The following LDLRAD4 variants were observed in gnomAD, a reference collection of about 807,000 sequenced individuals.
LDLRAD4 encodes low density lipoprotein receptor class A domain containing 4.
Under a neutral mutation model 17.0 loss-of-function variants are expected in LDLRAD4, and 5 were observed. The observed-to-expected ratio is 0.29, with a 90% confidence interval of 0.15 to 0.62. The LOEUF (loss-of-function observed/expected upper bound fraction) is 0.62. LDLRAD4 is among the 20% of genes least tolerant of loss of function. LDLRAD4 has a pLI of 0.84. For synonymous variants in LDLRAD4, 168 were observed against 171.8 expected (o/e 0.98, Z 0.17); for missense variants, 340 against 424.7 (o/e 0.80, Z 1.75).
At position 13,642,677 on chromosome 18, in the gene LDLRAD4, C is replaced by CT. The variant is rs1417238957; in HGVS notation, c.337-680dup. The CT allele has an allele frequency of 8.9e-6, 11 of 1,231,516 alleles. No homozygotes were observed. The East Asian group carries it at 3.2e-4, about 35-fold the overall frequency. 76.3% of individuals were successfully genotyped at this position (1,231,516 alleles called of 1,614,324 possible). A position where few individuals can be genotyped will look rare whatever the true frequency, so the allele number is the denominator to read the frequency against. On this transcript the variant is annotated intron_variant, in intron 4 of 5. Transcript: ENST00000359446. The stretch of plus-strand genomic sequence containing the variant: ...GGGCCCCGGGCCACCTCTGCCAGGG[C>CT]TTCCTCAACCCAGCCTGCCCTCATC...
intron 1 of LDLRAD4, among the ~76,000 whole-genome samples, chr18:13,375,945 T>C (rs992064788): frequency 6.6e-6 from 1 of 152,214 alleles, no homozygotes; most frequent in African/African-American, 2.4e-5. Context: ...GTTTTGGTGA[T>C]TGCCTGGGGT....
At chr18:13,293,538 C>G (rs2046090439) in intron 1 of LDLRAD4, among the ~76,000 whole-genome samples, 1 of 152,182 alleles carries the variant, frequency 6.6e-6, no homozygotes, top group Admixed American at 6.5e-5. Flanking sequence ...TCTAGTTGGG[C>G]AAAAATATCG....
intron 3 of LDLRAD4, among the ~76,000 whole-genome samples, chr18:13,530,328 G>A (rs1249538462): frequency 6.6e-6 from 1 of 152,178 alleles, no homozygotes; most frequent in Non-Finnish European, 1.5e-5. Context: ...TCTAAAAGAT[G>A]GCCTCCTCCT....
intron 3 of LDLRAD4, among the ~76,000 whole-genome samples, chr18:13,492,445 C>T (rs1187712665): frequency 3.3e-5 from 5 of 152,222 alleles, no homozygotes; most frequent in South Asian, 2.1e-4. Context: ...CCTTCCCCCC[C>T]GGGTCTGAAT....
At chr18:13,625,759 T>C (rs1032615921) in intron 4 of LDLRAD4, among the ~76,000 whole-genome samples, 1 of 15,108 alleles carries the variant, frequency 6.6e-5, no homozygotes, top group African/African-American at 2.7e-4. Flanking sequence ...CTCCTCCCCC[T>C]GCCACCACCC....
rs998731808 is a variant in LDLRAD4 at position 13,398,341 on chromosome 18, G to A, written c.40+10579G>A. Among the ~76,000 whole-genome samples the A allele has an allele frequency of 6.6e-6, 1 of 152,152 alleles. No homozygotes were observed. The highest frequency in any genetic ancestry group is 2.4e-5 in the African/African-American group (1 of 41,442). ...TGCTTAGGCGTGAAAGCAGCACAGC[G>A]TCACGGTGGTGATGCTTGCGTAGCA... On this transcript the variant is annotated intron_variant, in intron 2 of 5. Transcript: ENST00000359446. This position sits in a 1 kb window ranked among gnomAD's most constrained non-coding sequence, Gnocchi z 4.8.
intron 1 of LDLRAD4, among the ~76,000 whole-genome samples, chr18:13,310,734 G>A (rs2047188950): frequency 6.6e-6 from 1 of 152,212 alleles, no homozygotes; most frequent in Non-Finnish European, 1.5e-5. Context: ...TTGAGCATCA[G>A]TTTGGTTGTG....
At position 13,440,821 on chromosome 18, in the gene LDLRAD4, T is replaced by C. The variant is rs1423714232; in HGVS notation, c.181+2437T>C. 6.6e-6 allele frequency among the ~76,000 whole-genome samples: 1 copy of C among 152,220 alleles called. No individual in the cohort carries two copies. The highest frequency in any genetic ancestry group is 1.5e-5 in the Non-Finnish European group (1 of 68,026). On this transcript the variant is annotated intron_variant, in intron 3 of 5. Transcript: ENST00000359446. The surrounding 1 kb of genome is among the most constrained non-coding windows in gnomAD (Gnocchi z 4.4). Reference sequence around the variant, plus strand: ...CTGCTGTGACTTTGTATGGTTTATCTGTAATGTCAGAGCCATTGTGTACAC... The same window carrying C: ...CTGCTGTGACTTTGTATGGTTTATCCGTAATGTCAGAGCCATTGTGTACAC...
At chr18:13,435,068 G>A (rs2090566710) in intron 2 of LDLRAD4, among the ~76,000 whole-genome samples, 1 of 152,218 alleles carries the variant, frequency 6.6e-6, no homozygotes, top group Non-Finnish European at 1.5e-5. Context: ...AGGGTTATCA[G>A]TTTGTTTGAA....
chr18:13,272,918 T>C lies in LDLRAD4; in HGVS notation c.-466-5187T>C, dbSNP rs1232471519. On this transcript the variant is annotated intron_variant, in intron 1 of 5. Transcript: ENST00000399848. ...AGACGCACCTATGGTCAGTCTGTCT[T>C]GGCTTCAATTTACTCAGAATAATGT... Among the ~76,000 whole-genome samples the C allele has an allele frequency of 2.0e-5, 3 of 152,256 alleles. No individual in the cohort carries two copies. In the East Asian group the frequency reaches 5.8e-4, roughly 29 times the overall value.
chr18:13,341,103 A>G (rs1466306575), intron 1 of LDLRAD4, among the ~76,000 whole-genome samples: 2 of 152,004 alleles, frequency 1.3e-5, no homozygotes, highest in East Asian at 1.9e-4. Flanking sequence ...TTATGCCAGT[A>G]TCACACTGTC....
intron 1 of LDLRAD4, among the ~76,000 whole-genome samples, chr18:13,360,288 T>C (rs2083584903): frequency 6.6e-6 from 1 of 152,236 alleles, no homozygotes; most frequent in Non-Finnish European, 1.5e-5. Flanking sequence ...TAATAAAATA[T>C]CCTGTAGAGA....
chr18:13,260,632 T>TTTA (rs1489058170), intron 1 of LDLRAD4, among the ~76,000 whole-genome samples: 7 of 152,214 alleles, frequency 4.6e-5, no homozygotes, highest in African/African-American at 7.2e-5. Flanking sequence ...TTCCTGTTGC[T>TTTA]TTATTATTTA....
At chr18:13,525,466 G>A (rs923313364) in intron 3 of LDLRAD4, among the ~76,000 whole-genome samples, 12 of 152,228 alleles carry the variant, frequency 7.9e-5, no homozygotes, top group Non-Finnish European at 1.2e-4. Flanking sequence ...ACTACCAGTC[G>A]GGATCTGCAG....
intron 3 of LDLRAD4, among the ~76,000 whole-genome samples, chr18:13,449,195 T>C (rs984000820): frequency 6.6e-6 from 1 of 152,242 alleles, no homozygotes; most frequent in African/African-American, 2.4e-5. Context: ...CTGTCCTTTT[T>C]CCAGACAGCT....
intron 1 of LDLRAD4, among the ~76,000 whole-genome samples, chr18:13,263,795 G>A (rs1167754336): frequency 6.6e-6 from 1 of 152,156 alleles, no homozygotes; most frequent in East Asian, 1.9e-4. Flanking sequence ...TGAGGGAGTC[G>A]AGCTTGGACT....
chr18:13,529,496 A>G (rs1021563788), intron 3 of LDLRAD4, among the ~76,000 whole-genome samples: 7 of 152,200 alleles, frequency 4.6e-5, no homozygotes, highest in African/African-American at 1.4e-4. Flanking sequence ...CAAGACTTTT[A>G]GAAAGCCCTG....
chr18:13,350,627 T>C (rs2082984212), intron 1 of LDLRAD4, among the ~76,000 whole-genome samples: 1 of 152,230 alleles, frequency 6.6e-6, no homozygotes, highest in Non-Finnish European at 1.5e-5. Context: ...AGAAGCTCTT[T>C]AGTTTAATTA....
intron 3 of LDLRAD4, among the ~76,000 whole-genome samples, chr18:13,465,681 C>T (rs895629901): frequency 1.3e-5 from 2 of 152,192 alleles, no homozygotes; most frequent in African/African-American, 4.8e-5. Context: ...GAGGACACAA[C>T]GCCAAAAGGA....
Sources: allele counts gnomAD v4.1 joint callset (sites outside exome capture counted in the v4.1 genomes callset), GRCh38; gene constraint gnomAD v4.1.1; non-coding constraint Gnocchi (gnomAD v3.1); transcripts MANE v1.5; gene names NCBI Gene and HGNC (gene_info 2026-07-23, HGNC 2026-07-21).